The following TMEM132B variants were observed in gnomAD, a reference collection of about 807,000 sequenced individuals.
The protein encoded by TMEM132B is transmembrane protein 132B.
In TMEM132B, 18 loss-of-function variants were observed where a neutral mutation model predicts 90.8. That is an observed-to-expected ratio of 0.20 (90% CI 0.14 to 0.29). The LOEUF is 0.29. TMEM132B is among the 10% of genes least tolerant of loss of function. The pLI is 1.00. For synonymous variants in TMEM132B, 504 were observed against 523.3 expected, an observed-to-expected ratio of 0.96 and a Z score of 0.50; for missense variants, 1,096 against 1,326.8, an observed-to-expected ratio of 0.83 and a Z score of 2.70.
chr12:125,276,972 G>A (rs537061214), intron 1 of TMEM132B, among the ~76,000 whole-genome samples: 18 of 152,308 alleles, frequency 1.2e-4, no homozygotes, highest in Middle Eastern at 3.4e-3. Flanking sequence ...TACCACATGC[G>A]ATTTTAACGT....
rs1458075923 is a variant in TMEM132B, at chr12:125,432,528, T to TATATATATATATATAG, written c.1106+16852_1106+16853insTATATATATATATAGA. On this transcript the variant is annotated intron_variant, in intron 3 of 8. Coordinates refer to ENST00000682704, the MANE Select transcript of TMEM132B (RefSeq NM_001366854.1). Reference sequence around the variant, plus strand: ...GTGTGTGTGTATATATATATATATATAGAGAGAGAGAGAGAGAGAGAGAGA... The same window carrying TATATATATATATATAG: ...GTGTGTGTGTATATATATATATATATATATATATATATATAGAGAGAGAGAGAGAGAGAGAGAGAGA... Among the ~76,000 whole-genome samples the TATATATATATATATAG allele has an allele frequency of 1.0e-4, 4 of 39,124 alleles. 1 individual carries two copies. Among genetic ancestry groups the TATATATATATATATAG allele is most frequent in the African/African-American group, 5.0e-4 (4 of 8,060 alleles). 25.7% of individuals were successfully genotyped at this position (39,124 alleles called of 152,430 possible).
intron 4 of TMEM132B, among the ~76,000 whole-genome samples, chr12:125,582,134 C>G (rs1885067867): frequency 1.3e-5 from 2 of 151,780 alleles, no homozygotes; most frequent in Non-Finnish European, 2.9e-5. Flanking sequence ...TTAATATCAA[C>G]AAAAAATAAA....
intron 1 of TMEM132B, among the ~76,000 whole-genome samples, chr12:125,253,797 A>G (rs1407078557): frequency 6.6e-6 from 1 of 152,124 alleles, no homozygotes; most frequent in Non-Finnish European, 1.5e-5. Context: ...TCCCTATTCC[A>G]GAGCCCAAGA....
intron 1 of TMEM132B, among the ~76,000 whole-genome samples, chr12:125,242,212 G>A (rs1045577538): frequency 3.3e-5 from 5 of 152,132 alleles, no homozygotes; most frequent in African/African-American, 9.7e-5. Flanking sequence ...GTTTAGTGGT[G>A]TGATCATAGC....
chr12:125,544,995 G>A (rs1349206649), intron 4 of TMEM132B, among the ~76,000 whole-genome samples: 2 of 152,244 alleles, frequency 1.3e-5, no homozygotes, highest in Non-Finnish European at 2.9e-5. Context: ...TCAAATGGCT[G>A]TGTGATTCAG....
In TMEM132B at chr12:125,188,867, A is replaced by AG. The variant is rs1555230831; in HGVS notation, c.67+2001_67+2002insG. 3.3e-5 allele frequency among the ~76,000 whole-genome samples: 5 copies of AG among 151,174 alleles called. No homozygotes were observed. In the South Asian group the frequency reaches 6.3e-4, roughly 19 times the overall value. On this transcript the variant is annotated intron_variant, in intron 1 of 8. Coordinates refer to ENST00000682704, the MANE Select transcript of TMEM132B (RefSeq NM_001366854.1). ...GGAGGGATGGCAAAAAAAAAAAAAA[A>AG]AAAAAAGAAAAAAAGAAATTCCTGA...
chr12:125,474,056 T>TTCCTTTCCTTTCCTTTCCTTTCCTTTCC (rs1555252177), intron 3 of TMEM132B, among the ~76,000 whole-genome samples: 2 of 129,402 alleles, frequency 1.5e-5, no homozygotes, highest in African/African-American at 6.2e-5. Context: ...CCTTCTTTCT[T>TTCCTTTCCTTTCCTTTCCTTTCCTTTCC]TTTCCTTTCC....
chr12:125,615,343 C>T (rs1287134595), intron 5 of TMEM132B, among the ~76,000 whole-genome samples: 1 of 152,020 alleles, frequency 6.6e-6, no homozygotes, highest in African/African-American at 2.4e-5. Context: ...GTCTATCTAT[C>T]TATCTATCTA....
chr12:125,402,436 C>A (rs2136322853), intron 2 of TMEM132B, among the ~76,000 whole-genome samples: 2 of 152,282 alleles, frequency 1.3e-5, no homozygotes, highest in East Asian at 3.9e-4. Flanking sequence ...TTTGGGCTTT[C>A]AAAGTGTTGG....
At chr12:125,643,638 A>G (rs868483869) in intron 5 of TMEM132B, among the ~76,000 whole-genome samples, 73 of 152,344 alleles carry the variant, frequency 4.8e-4, no homozygotes, top group African/African-American at 1.6e-3. Flanking sequence ...CTGATTTTTC[A>G]GAGAACCTCA....
intron 2 of TMEM132B, among the ~76,000 whole-genome samples, chr12:125,390,484 C>A (rs1878976637): frequency 6.6e-6 from 1 of 152,224 alleles, no homozygotes; most frequent in South Asian, 2.1e-4. Flanking sequence ...TGATACTCCT[C>A]ACTTCATGAG....
At chr12:125,373,499 T>G (rs900137000) in intron 2 of TMEM132B, among the ~76,000 whole-genome samples, 14 of 152,206 alleles carry the variant, frequency 9.2e-5, no homozygotes, top group Non-Finnish European at 1.5e-5. Flanking sequence ...AAACCAGCCA[T>G]GCAAACACCT....
At chr12:125,551,012 C>T (rs1435604761) in intron 4 of TMEM132B, among the ~76,000 whole-genome samples, 1 of 152,210 alleles carries the variant, frequency 6.6e-6, no homozygotes, top group Non-Finnish European at 1.5e-5. Flanking sequence ...AGAATTTCAC[C>T]ATGTTGGCCA....
intron 5 of TMEM132B, among the ~76,000 whole-genome samples, chr12:125,627,845 C>G (rs1232491025): frequency 6.6e-6 from 1 of 152,180 alleles, no homozygotes; most frequent in Admixed American, 6.5e-5. Flanking sequence ...TGGTAACCAT[C>G]CTTCCACTAT....
chr12:125,385,478 C>T (rs1014627090), intron 2 of TMEM132B, among the ~76,000 whole-genome samples: 12 of 152,062 alleles, frequency 7.9e-5, no homozygotes, highest in African/African-American at 1.9e-4. Flanking sequence ...TTGTTGGAGG[C>T]GATCAATGCA....
At chr12:125,384,090 G>T (rs542534765) in intron 2 of TMEM132B, among the ~76,000 whole-genome samples, 1 of 152,126 alleles carries the variant, frequency 6.6e-6, no homozygotes, top group African/African-American at 2.4e-5. Flanking sequence ...GGGATTACAG[G>T]CGTGTGCCAC....
intron 4 of TMEM132B, among the ~76,000 whole-genome samples, chr12:125,550,894 G>A (rs566410355): frequency 1.0e-4 from 12 of 116,132 alleles, no homozygotes; most frequent in African/African-American, 3.6e-4. Context: ...CAAGAACCTG[G>A]CTCTACCTCC....
At chr12:125,449,768 G>A (rs1881101573) in intron 3 of TMEM132B, among the ~76,000 whole-genome samples, 1 of 151,902 alleles carries the variant, frequency 6.6e-6, no homozygotes, top group African/African-American at 2.4e-5. Context: ...AGGTTAGAGT[G>A]GGCCTTAATT....
chr12:125,585,160 T>C (rs1023459851), intron 5 of TMEM132B: 1 of 152,176 alleles, frequency 6.6e-6, no homozygotes, highest in Non-Finnish European at 1.5e-5. Flanking sequence ...TGAGGTCTAA[T>C]TAACAAAGAA....
Sources: gnomAD v4.1 joint callset for allele counts (sites outside exome capture counted in the v4.1 genomes callset) on GRCh38, gnomAD v4.1.1 for gene constraint, MANE v1.5 for transcripts, NCBI Gene and HGNC (gene_info 2026-07-23, HGNC 2026-07-21) for gene names.